The following CGGBP1 variants were observed in gnomAD, a reference collection of about 807,000 sequenced individuals.
CGGBP1 encodes the protein CGG triplet repeat-binding protein 1.
CGGBP1 carries 4 observed loss-of-function variants against 11.4 expected under a neutral mutation model. The observed-to-expected ratio is 0.35, with a 90% CI of 0.17 to 0.80. The LOEUF (loss-of-function observed/expected upper bound fraction) is 0.80, where lower values mean the gene tolerates loss of function less well. CGGBP1 is among the 30% of genes least tolerant of loss of function. The pLI is 0.52. For missense variants in CGGBP1, 135 were observed against 202.1 expected (o/e 0.67, Z 2.01); for synonymous variants, 76 against 74.1 (o/e 1.03, Z -0.13).
At chr3:88,081,596 TA>T (rs1223085302) in intron 2 of CGGBP1, among the ~76,000 whole-genome samples, 2 of 152,252 alleles carry the variant, frequency 1.3e-5, no homozygotes, top group Non-Finnish European at 2.9e-5. Flanking sequence ...TTGTATGGAT[TA>T]AAGTCCAATG....
intron 2 of CGGBP1, among the ~76,000 whole-genome samples, chr3:88,083,941 TTATATATATATATATA>T (rs78670676): frequency 1.4e-5 from 2 of 147,812 alleles, no homozygotes; most frequent in African/African-American, 2.5e-5. Context: ...TGTACTTATT[TTATATATATATATATA>T]TATATATATA....
At chr3:88,089,445 C>T (rs1708521961) in intron 2 of CGGBP1, among the ~76,000 whole-genome samples, 1 of 150,812 alleles carries the variant, frequency 6.6e-6, no homozygotes, top group Admixed American at 6.6e-5. Flanking sequence ...GAGCCAAGAT[C>T]ATGCCATTGC....
chr3:88,095,458 C>A, intron 2 of CGGBP1: 1 of 377,416 alleles, frequency 2.6e-6, no homozygotes. Context: ...TCAAGGTACG[C>A]ATGCAACATC....
chr3:88,141,048 A>G (rs748349446), exon 2 of CGGBP1: 1 of 1,587,968 alleles, frequency 6.3e-7, no homozygotes, highest in Admixed American at 1.8e-5. Context: ...AGATGATGAA[A>G]GTAAGTCTTC....
At chr3:88,140,222 C>T in intron 2 of CGGBP1, 1 of 1,613,834 alleles carries the variant, frequency 6.2e-7, no homozygotes, top group African/African-American at 1.3e-5. Context: ...TTCCAGAATG[C>T]CATGAGCTTT....
chr3:88,141,119 T>A (rs1473471647), intron 1 of CGGBP1: 2 of 1,497,130 alleles, frequency 1.3e-6, no homozygotes, highest in East Asian at 4.5e-5. Context: ...CTATTATAGA[T>A]CTTTGAGATT....
intron 2 of CGGBP1, chr3:88,140,615 A>T: frequency 3.7e-6 from 6 of 1,613,756 alleles, no homozygotes; most frequent in African/African-American, 1.3e-5. Flanking sequence ...GACACAGTGA[A>T]ATAGAGCAAA....
chr3:88,100,105 A>G (rs1413881378), intron 2 of CGGBP1, among the ~76,000 whole-genome samples: 5 of 152,236 alleles, frequency 3.3e-5, no homozygotes, highest in African/African-American at 1.2e-4. Context: ...CAGAATCTAC[A>G]AAGAACTTAA....
intron 2 of CGGBP1, among the ~76,000 whole-genome samples, chr3:88,137,936 C>T (rs1706897019): frequency 6.6e-6 from 1 of 151,998 alleles, no homozygotes; most frequent in Non-Finnish European, 1.5e-5. Flanking sequence ...ATTATGGTGT[C>T]TCCTCCAATC....
intron 2 of CGGBP1, chr3:88,086,369 A>C (rs1237929688): frequency 6.5e-7 from 1 of 1,535,374 alleles, no homozygotes; most frequent in African/African-American, 1.4e-5. Flanking sequence ...GATGAATGTG[A>C]GCATGTACAA....
chr3:88,058,367 G>GT (rs1174770517), intron 1 of CGGBP1, 144 bp from the exon 2 acceptor site: 1 of 152,252 alleles, frequency 6.6e-6, no homozygotes, highest in Non-Finnish European at 1.5e-5. Context: ...CGATCCCAAC[G>GT]TTTACCCTAA....
intron 2 of CGGBP1, chr3:88,128,771 T>C: frequency 7.2e-7 from 1 of 1,394,584 alleles, no homozygotes. Context: ...GAGAATCTTT[T>C]CTTGAGAGTA....
intron 1 of CGGBP1, among the ~76,000 whole-genome samples, chr3:88,146,919 A>G (rs951670295): frequency 2.6e-5 from 4 of 152,128 alleles, no homozygotes; most frequent in African/African-American, 9.7e-5. Context: ...CCTTCAAGCC[A>G]CCATTTTCTC....
intron 2 of CGGBP1, chr3:88,138,734 T>G: frequency 8.1e-7 from 1 of 1,232,014 alleles, no homozygotes; most frequent in Non-Finnish European, 1.0e-6. Context: ...AAATTTGTGT[T>G]GAAATATGTG....
At chr3:88,059,297 A>T, upstream of CGGBP1, 1 of 1,532,384 alleles carries the variant, frequency 6.5e-7, no homozygotes, top group Non-Finnish European at 8.7e-7. Context: ...AGGGGCTGGT[A>T]CGCGCTGGGC....
rs375029789 is a variant in CGGBP1 at position 88,139,964 on chromosome 3, A to G, written c.-229+1006T>C. The stretch of plus-strand genomic sequence containing the variant: ...TTAAAAGAATTGGGTTTCTAAATAA[A>G]CATGCAATGACCGTACATCCAACCG... On this transcript the variant is annotated intron_variant, in intron 2 of 3. Transcript: ENST00000462901. 68 of 1,613,782 alleles carry G rather than the reference A, an allele frequency of 4.2e-5. No individual in the cohort carries two copies. The African/African-American group carries it at 7.9e-4, about 19-fold the overall frequency.
intron 2 of CGGBP1, among the ~76,000 whole-genome samples, chr3:88,114,820 A>G (rs1705293064): frequency 1.3e-5 from 2 of 152,178 alleles, no homozygotes; most frequent in African/African-American, 4.8e-5. Flanking sequence ...TCCATCATGT[A>G]TACCTCCCTA....
intron 2 of CGGBP1, among the ~76,000 whole-genome samples, chr3:88,108,418 G>C (rs1187751895): frequency 4.6e-5 from 7 of 152,078 alleles, no homozygotes; most frequent in Non-Finnish European, 1.0e-4. Flanking sequence ...GTTTTCTTTA[G>C]TTTTGTCTGT....
intron 2 of CGGBP1, among the ~76,000 whole-genome samples, chr3:88,123,275 G>C (rs1426332579): frequency 9.9e-5 from 15 of 152,024 alleles, no homozygotes; most frequent in Non-Finnish European, 2.2e-4. Flanking sequence ...CCTATCCTGA[G>C]CTGTTTTCCA....
Sources: allele counts gnomAD v4.1 joint callset (sites outside exome capture counted in the v4.1 genomes callset), GRCh38; gene constraint gnomAD v4.1.1; transcripts MANE v1.5; gene names NCBI Gene and HGNC (gene_info 2026-07-23, HGNC 2026-07-21).